Variants in DUS2 observed in about 807,000 individuals in gnomAD.
The protein encoded by DUS2 is tRNA-dihydrouridine(20) synthase [NAD(P)+]-like.
DUS2 carries 52 observed loss-of-function variants against 71.3 expected under a neutral mutation model. The observed-to-expected ratio is 0.73, with a 90% CI of 0.58 to 0.92. The LOEUF (loss-of-function observed/expected upper bound fraction) is 0.92, where lower values mean the gene tolerates loss of function less well. Among genes scored for constraint, DUS2 ranks in the 40% least tolerant of loss-of-function variants. The probability of loss-of-function intolerance (pLI) is 0.00; values close to 1 mark genes in which losing one functional copy is unlikely to be tolerated. For synonymous variants in DUS2, 204 were observed against 227.8 expected (o/e 0.90, Z 0.94); for missense variants, 558 against 622.6 (o/e 0.90, Z 1.10).
chr16:68,061,291 C>G (rs914073740), intron 8 of DUS2, among the ~76,000 whole-genome samples, 178 bp downstream of exon 8: 1 of 152,186 alleles, frequency 6.6e-6, no homozygotes, highest in Admixed American at 6.5e-5. Flanking sequence ...AGTTTGGGAA[C>G]CCCCGAGCCA....
chr16:68,029,041 A>C (rs2033399758), intron 2 of DUS2, among the ~76,000 whole-genome samples: 2 of 152,032 alleles, frequency 1.3e-5, no homozygotes, highest in South Asian at 4.1e-4. Context: ...GCTACAGAAA[A>C]ATTTAAACAC....
intron 13 of DUS2, among the ~76,000 whole-genome samples, chr16:68,074,805 T>G (rs939010813): frequency 6.6e-6 from 1 of 152,236 alleles, no homozygotes; most frequent in African/African-American, 2.4e-5. Flanking sequence ...GCCTTCAAGA[T>G]GTTTCCTAGA....
intron 15 of DUS2, among the ~76,000 whole-genome samples, 194 bp downstream of exon 15, chr16:68,076,913 CTTTTT>C (rs113367225): frequency 7.0e-6 from 1 of 142,126 alleles, no homozygotes. Flanking sequence ...AGACATCTCT[CTTTTT>C]TTTTTTTTTG....
intron 12 of DUS2, among the ~76,000 whole-genome samples, chr16:68,072,681 T>C (rs369318762): frequency 6.7e-6 from 1 of 150,124 alleles, no homozygotes; most frequent in South Asian, 2.1e-4. Flanking sequence ...TAGGCCCACG[T>C]GGAGTTACTA....
intron 3 of DUS2, among the ~76,000 whole-genome samples, chr16:68,038,484 C>G (rs1298176566): frequency 6.6e-6 from 1 of 152,104 alleles, no homozygotes; most frequent in Non-Finnish European, 1.5e-5. Flanking sequence ...AATCCCAGCA[C>G]TTTGGGAGGC....
chr16:68,058,947 G>A (rs2418739), intron 7 of DUS2, among the ~76,000 whole-genome samples: 1 of 151,982 alleles, frequency 6.6e-6, no homozygotes, highest in South Asian at 2.1e-4. Context: ...CTTGGTGGCC[G>A]ATGCCTGTAA....
intron 10 of DUS2, among the ~76,000 whole-genome samples, chr16:68,068,008 A>G (rs1464765299): frequency 6.6e-6 from 1 of 152,194 alleles, no homozygotes; most frequent in African/African-American, 2.4e-5. Flanking sequence ...TTGGACTGCC[A>G]GCTGTCACAA....
intron 4 of DUS2, among the ~76,000 whole-genome samples, chr16:68,052,884 C>T (rs965689146): frequency 1.3e-5 from 2 of 151,948 alleles, no homozygotes; most frequent in South Asian, 4.1e-4. Flanking sequence ...CTCACATGAT[C>T]CACCTGCCTT....
chr16:68,068,584 CTTTTTTTTTTTTT>C (rs59827856), intron 10 of DUS2, among the ~76,000 whole-genome samples: 1 of 67,268 alleles, frequency 1.5e-5, no homozygotes, highest in Non-Finnish European at 2.8e-5. Context: ...CTTTCTCTCT[CTTTTTTTTTTTTT>C]TTTTTTTTTG....
chr16:68,038,841 G>T (rs1173145114), intron 3 of DUS2, among the ~76,000 whole-genome samples: 1 of 151,628 alleles, frequency 6.6e-6, no homozygotes, highest in Non-Finnish European at 1.5e-5. Context: ...TTGAGCCTAG[G>T]AGTTTGAGAC....
At position 68,034,228 on chromosome 16, in the gene DUS2, G is replaced by A. The variant is rs375855477; in HGVS notation, c.-18-3778G>A. 1.6e-3 allele frequency among the ~76,000 whole-genome samples: 241 copies of A among 152,090 alleles called. 2 individuals are homozygous for A. The highest frequency in any genetic ancestry group is 5.1e-3 in the African/African-American group (212 of 41,480). On this transcript the variant is annotated intron_variant, in intron 2 of 16. Transcript: ENST00000565263. The stretch of plus-strand genomic sequence containing the variant: ...CTACAGGCATGCACTACCACTCCTG[G>A]CTAATTTTTATGTTTCTGTAGAGAT...
intron 15 of DUS2, 118 bp from the exon 16 acceptor site, chr16:68,078,327 G>A (rs756940238): frequency 1.2e-5 from 11 of 927,028 alleles, no homozygotes; most frequent in Non-Finnish European, 1.9e-5. Flanking sequence ...GATACAGGCA[G>A]CCTTCATTTG....
intron 8 of DUS2, among the ~76,000 whole-genome samples, chr16:68,064,180 G>A (rs577247909): frequency 6.6e-6 from 1 of 152,328 alleles, no homozygotes. Flanking sequence ...GTCTATTGAG[G>A]CAAGCCTGCT....
At position 68,061,114 on chromosome 16, in the gene DUS2, G is replaced by T. The variant is rs1329040286; in HGVS notation, c.417+1G>T. Reference sequence around the variant, plus strand: ...GTCAGACCCTGACAAGATTGAGAAGGTAAGTCCTCCACGAGTGAAAGCAGG... The same window carrying T: ...GTCAGACCCTGACAAGATTGAGAAGTTAAGTCCTCCACGAGTGAAAGCAGG... On this transcript the variant is annotated splice_donor_variant, in intron 8 of 16. Coordinates refer to ENST00000565263, the MANE Select transcript of DUS2 (RefSeq NM_017803.5). LOFTEE classifies it high-confidence loss of function. 2 of 1,613,986 alleles carry T rather than the reference G, an allele frequency of 1.2e-6. No homozygotes were observed. The highest frequency in any genetic ancestry group is 2.7e-5 in the African/African-American group (2 of 74,916).
At chr16:68,057,558 C>A (rs1040212815) in intron 7 of DUS2, among the ~76,000 whole-genome samples, 3 of 151,646 alleles carry the variant, frequency 2.0e-5, no homozygotes, top group African/African-American at 4.8e-5. Context: ...CAGAGTGAAA[C>A]CCTGTCTCTA....
intron 10 of DUS2, among the ~76,000 whole-genome samples, chr16:68,068,949 C>T (rs1249495381): frequency 6.6e-6 from 1 of 152,018 alleles, no homozygotes; most frequent in African/African-American, 2.4e-5. Context: ...TAGTTGGGAA[C>T]ACTCGGAAGA....
intron 15 of DUS2, 50 bp downstream of exon 15, chr16:68,076,769 G>T: frequency 6.6e-7 from 1 of 1,504,618 alleles, no homozygotes; most frequent in Non-Finnish European, 9.2e-7. Flanking sequence ...GCACTCCCAT[G>T]GCTTACACCC....
intron 2 of DUS2, among the ~76,000 whole-genome samples, chr16:68,030,959 G>T (rs1033795160): frequency 4.2e-4 from 64 of 152,190 alleles, no homozygotes; most frequent in African/African-American, 1.5e-3. Context: ...GCCCAGGCTG[G>T]TCCCAAACTC....
At chr16:68,054,920 G>A (rs1444846355) in intron 6 of DUS2, among the ~76,000 whole-genome samples, 4 of 152,148 alleles carry the variant, frequency 2.6e-5, no homozygotes, top group African/African-American at 9.7e-5. Flanking sequence ...GCGCGTGCCT[G>A]TAGTCCCAGC....
Sources: gnomAD v4.1 joint callset for allele counts (sites outside exome capture counted in the v4.1 genomes callset) on GRCh38, gnomAD v4.1.1 for gene constraint, MANE v1.5 for transcripts, NCBI Gene and HGNC (gene_info 2026-07-23, HGNC 2026-07-21) for gene names.